Variants in HEATR1 observed in about 807,000 individuals in gnomAD.
HEATR1 encodes the protein HEAT repeat-containing protein 1.
Under a neutral mutation model 248.2 loss-of-function variants are expected in HEATR1, and 77 were observed. The observed-to-expected ratio is 0.31, with a 90% CI of 0.26 to 0.37. The LOEUF is 0.37. Among genes scored for constraint, HEATR1 ranks in the 10% least tolerant of loss-of-function variants. The pLI is 1.00. For synonymous variants in HEATR1, 897 were observed against 923.1 expected, an observed-to-expected ratio of 0.97 and a Z score of 0.51; for missense variants, 2,420 against 2,504.9, an observed-to-expected ratio of 0.97 and a Z score of 0.72.
At chr1:236,555,696 G>T in intron 39 of HEATR1, 41 bp from the exon 40 acceptor site, 1 of 1,606,990 alleles carries the variant, frequency 6.2e-7, no homozygotes, top group Non-Finnish European at 8.5e-7. Flanking sequence ...GCTGATACCT[G>T]ACTGTAAATT....
chr1:236,602,865 A>G (rs918591409), intron 3 of HEATR1: 9 of 250,456 alleles, frequency 3.6e-5, no homozygotes, highest in African/African-American at 1.8e-4. Context: ...CAGAGGTTGC[A>G]GTGAGCCAAG....
Position 236,585,913 on chromosome 1 carries a change from C to T in HEATR1, c.1956G>A (p.Lys652=), listed in dbSNP as rs1379674901. 3 of 1,613,362 alleles carry T rather than the reference C, an allele frequency of 1.9e-6. No homozygotes were observed. The highest frequency in any genetic ancestry group is 4.5e-5 in the East Asian group (2 of 44,778). Residue 652 remains lysine, a synonymous_variant, in exon 16 of 45, where the codon AAG becomes AAA. Coordinates refer to ENST00000366582, the MANE Select transcript of HEATR1 (RefSeq NM_018072.6). ...TTGCTACACCGATTAGTTTTCCTGG[C>T]TTTGTGCTTTTAATTACATTTTCAA... is the stretch of plus-strand genomic sequence containing the variant. ...EALENVIKST[K]PGKLIGVANQ... is the part of the protein sequence containing the mutation.
At chr1:236,564,341 G>A (rs1031797532) in intron 32 of HEATR1, among the ~76,000 whole-genome samples, 157 bp downstream of exon 32, 1 of 150,758 alleles carries the variant, frequency 6.6e-6, no homozygotes, top group African/African-American at 2.5e-5. Flanking sequence ...CATGACGAAC[G>A]GCTTTTCATG....
At chr1:236,593,228 G>GT (rs1384257822) in intron 9 of HEATR1, among the ~76,000 whole-genome samples, 5 of 151,818 alleles carry the variant, frequency 3.3e-5, no homozygotes, top group Non-Finnish European at 7.4e-5. Flanking sequence ...AAACTAGAGT[G>GT]TAAGTCTTCC....
At chr1:236,582,549 C>T (rs1048745570) in intron 19 of HEATR1, among the ~76,000 whole-genome samples, 187 bp downstream of exon 19, 2 of 151,982 alleles carry the variant, frequency 1.3e-5, no homozygotes, top group Admixed American at 6.6e-5. Flanking sequence ...GATTACAGGC[C>T]CCATCACCAT....
chr1:236,580,526 T>TTTC (rs1663691450), intron 20 of HEATR1, among the ~76,000 whole-genome samples: 1 of 150,132 alleles, frequency 6.7e-6, no homozygotes, highest in African/African-American at 2.4e-5. Flanking sequence ...GCCCTTTTTT[T>TTTC]TTTTTTTTGA....
chr1:236,557,815 A>G (rs933322006), intron 36 of HEATR1, among the ~76,000 whole-genome samples: 2 of 152,164 alleles, frequency 1.3e-5, no homozygotes, highest in Non-Finnish European at 1.5e-5. Flanking sequence ...AAGAACCTTC[A>G]CCCACTGCTT....
At chr1:236,556,038 G>A (rs1301003401) in intron 38 of HEATR1, 62 bp downstream of exon 38, 15 of 1,607,414 alleles carry the variant, frequency 9.3e-6, no homozygotes, top group Non-Finnish European at 1.2e-5. Flanking sequence ...TTAAGTCAAA[G>A]TTTACACATT....
Position 236,597,930 on chromosome 1 carries a change from T to C in HEATR1, c.551A>G (p.Lys184Arg), listed in dbSNP as rs756677371. Residue 184 changes from lysine (K) to arginine (R), a missense_variant, in exon 5 of 45, where the codon AAA (lysine) becomes AGA (arginine). Transcript: ENST00000366582. ...AATGAAATCCATGAATCCAAGATCT[T>C]TGTAGCAGTGGGTAATCAAAGTTCC... ...AKGTLITHCY[K>R]DLGFMDFICS... The C allele has an allele frequency of 2.5e-6, 4 of 1,613,934 alleles. No homozygotes were observed. The Admixed American group carries it at 5.0e-5, about 20-fold the overall frequency.
chr1:236,574,140 G>A (rs772431850), intron 24 of HEATR1, 62 bp downstream of exon 24: 50 of 1,418,618 alleles, frequency 3.5e-5, no homozygotes, highest in South Asian at 1.0e-4. Context: ...TCTTAAACAT[G>A]GTGTCCCTTG....
chr1:236,550,890 C>A lies in HEATR1; in HGVS notation c.*12G>T, dbSNP rs1225980039. The A allele has an allele frequency of 2.5e-6, 4 of 1,582,256 alleles. No individual in the cohort carries two copies. Among genetic ancestry groups the A allele is most frequent in the Non-Finnish European group, 3.4e-6 (4 of 1,166,442 alleles). On this transcript the variant is annotated 3_prime_UTR_variant, in exon 45 of 45. Coordinates refer to ENST00000366582, the MANE Select transcript of HEATR1 (RefSeq NM_018072.6). Reference sequence around the variant, plus strand: ...TGAACTCTGAGTAGAGTATGAAACACCACAGAAAGTCTTAGAAATAGCTCT... The same window carrying A: ...TGAACTCTGAGTAGAGTATGAAACAACACAGAAAGTCTTAGAAATAGCTCT...
intron 12 of HEATR1, among the ~76,000 whole-genome samples, chr1:236,588,639 A>AG (rs1364676647): frequency 2.0e-5 from 3 of 152,258 alleles, no homozygotes; most frequent in Non-Finnish European, 4.4e-5. Context: ...CCAAAAATAG[A>AG]GATCATTTTT....
intron 16 of HEATR1, 47 bp from the exon 17 acceptor site, chr1:236,585,263 A>G (rs774740841): frequency 6.5e-7 from 1 of 1,531,258 alleles, no homozygotes; most frequent in Non-Finnish European, 8.8e-7. Flanking sequence ...TGATTTTCAT[A>G]AAACAATTTT....
At chr1:236,561,195 T>A in intron 33 of HEATR1, 30 bp downstream of exon 33, 2 of 1,517,078 alleles carry the variant, frequency 1.3e-6, no homozygotes, top group Non-Finnish European at 1.8e-6. Context: ...CATTTCCAAA[T>A]AAAAAGTAGA....
At chr1:236,588,733 C>T (rs1305588482) in intron 12 of HEATR1, among the ~76,000 whole-genome samples, 1 of 152,144 alleles carries the variant, frequency 6.6e-6, no homozygotes, top group Admixed American at 6.5e-5. Flanking sequence ...GAATATATCC[C>T]TATCTATATG....
chr1:236,588,225 A>C (rs1364105348), intron 12 of HEATR1, among the ~76,000 whole-genome samples, 182 bp from the exon 13 acceptor site: 1 of 152,246 alleles, frequency 6.6e-6, no homozygotes, highest in Non-Finnish European at 1.5e-5. Context: ...TTTTGAGATT[A>C]ATAATTGTTT....
At chr1:236,569,232 G>T in intron 28 of HEATR1, 108 bp from the exon 29 acceptor site, 1 of 788,028 alleles carries the variant, frequency 1.3e-6, no homozygotes, top group Non-Finnish European at 1.9e-6. Context: ...ATGCAGTGCA[G>T]TTGTGTGATC....
intron 4 of HEATR1, among the ~76,000 whole-genome samples, chr1:236,598,338 T>C (rs1351318113): frequency 6.6e-6 from 1 of 152,198 alleles, no homozygotes; most frequent in East Asian, 1.9e-4. Flanking sequence ...ACAATAACAC[T>C]AAGAACAGAA....
In HEATR1 at chr1:236,603,283, C is replaced by T. The variant is rs773705501; in HGVS notation, c.236G>A (p.Arg79Gln). The T allele has an allele frequency of 3.7e-6, 6 of 1,614,152 alleles. No individual in the cohort carries two copies. The Admixed American group carries it at 8.3e-5, about 22-fold the overall frequency. Residue 79 changes from arginine (R) to glutamine (Q), a missense_variant, in exon 3 of 45, where the codon CGA (arginine) becomes CAA (glutamine). Physicochemically the swap from Arg to Gln is conservative, Grantham distance 43. Transcript: ENST00000366582. ...GTTTACTGCTTTGGTCTGAACACTT[C>T]GCTCCAAGGTTTTTGCTAGCTGACT... ...LFSQLAKTLE[R>Q]SVQTKAVNKQ... is the part of the protein sequence containing the mutation.
Sources: gnomAD v4.1 joint callset for allele counts (sites outside exome capture counted in the v4.1 genomes callset) on GRCh38, gnomAD v4.1.1 for gene constraint, MANE v1.5 for transcripts, NCBI Gene and HGNC (gene_info 2026-07-23, HGNC 2026-07-21) for gene names.